Variants in CAPN9 observed in about 807,000 individuals in gnomAD.
The protein encoded by CAPN9 is calpain 9, also known as calpain-9.
In CAPN9, 81 loss-of-function variants were observed where a neutral mutation model predicts 92.8. The ratio of observed to expected loss-of-function variants is 0.87; its 90% CI spans 0.73 to 1.05. The LOEUF (loss-of-function observed/expected upper bound fraction) is 1.05, where lower values mean the gene tolerates loss of function less well. Among genes scored for constraint, CAPN9 ranks in the 50% least tolerant of loss-of-function variants. The pLI, the probability that CAPN9 is intolerant of heterozygous loss-of-function variation, is 0.00. For synonymous variants in CAPN9, 304 were observed against 328.0 expected (o/e 0.93, Z 0.79); for missense variants, 848 against 866.2 (o/e 0.98, Z 0.26).
intron 5 of CAPN9, among the ~76,000 whole-genome samples, chr1:230,768,010 TAATAAATAAATAAATAAATAAATA>T (rs71563451): frequency 1.8e-4 from 25 of 139,664 alleles, no homozygotes; most frequent in African/African-American, 3.7e-4. Flanking sequence ...ACTTAAAGTA[TAATAAATAAATAAATAAATAAATA>T]AATAAATAAA....
chr1:230,763,479 T>A (rs28359637), intron 4 of CAPN9, among the ~76,000 whole-genome samples: 2 of 152,194 alleles, frequency 1.3e-5, no homozygotes, highest in African/African-American at 2.4e-5. Context: ...GAACCTCATA[T>A]AAGTGGAACC....
chr1:230,789,500 A>AAAAAAAAAAAAAAG (rs200162449), intron 13 of CAPN9, among the ~76,000 whole-genome samples: 1 of 138,176 alleles, frequency 7.2e-6, no homozygotes, highest in African/African-American at 2.8e-5. Flanking sequence ...AAAAAAAAAA[A>AAAAAAAAAAAAAAG]GCCTGAGTCT....
At chr1:230,751,704 T>C (rs965200571) in intron 1 of CAPN9, among the ~76,000 whole-genome samples, 4 of 151,752 alleles carry the variant, frequency 2.6e-5, no homozygotes, top group African/African-American at 9.7e-5. Context: ...TTTCCCTTTG[T>C]GAATTATTCA....
Position 230,767,530 on chromosome 1 carries a change from C to T in CAPN9, c.537-11C>T, listed in dbSNP as rs1012966495. ...CCTGACTCTCTCCTCTCTCTCTTGC[C>T]ACCCTTGCAGGCTAAATGGGAGCTA... On this transcript the variant is annotated splice_polypyrimidine_tract_variant and intron_variant, in intron 4 of 19. Transcript: ENST00000271971. 6.3e-7 allele frequency: 1 copy of T among 1,599,990 alleles called. No homozygotes were observed. The highest frequency in any genetic ancestry group is 1.4e-5 in the African/African-American group (1 of 73,866).
intron 15 of CAPN9, 83 bp from the exon 16 acceptor site, chr1:230,792,343 C>A (rs900502387): frequency 2.4e-5 from 28 of 1,183,860 alleles, no homozygotes; most frequent in Non-Finnish European, 3.2e-5. Flanking sequence ...CGGCCCTCCC[C>A]CTCTGCAGTC....
intron 7 of CAPN9, 118 bp downstream of exon 7, chr1:230,772,217 A>G (rs1397628978): frequency 4.9e-6 from 4 of 821,324 alleles, no homozygotes. Flanking sequence ...CTGACTCAGG[A>G]TCCTGTCCCG....
At chr1:230,753,976 T>C (rs559225804) in intron 1 of CAPN9, among the ~76,000 whole-genome samples, 22 of 152,128 alleles carry the variant, frequency 1.4e-4, no homozygotes, top group Non-Finnish European at 2.5e-4. Flanking sequence ...CGCTCTTTTC[T>C]CTCCTGGTTT....
intron 16 of CAPN9, 108 bp downstream of exon 16, chr1:230,792,602 A>G (rs1668075371): frequency 1.1e-6 from 1 of 925,688 alleles, no homozygotes; most frequent in African/African-American, 1.6e-5. Context: ...GAGGAATTGT[A>G]TTCGGACAGG....
rs868313740 is a variant in CAPN9 at position 230,799,477 on chromosome 1, C to T, written c.2046+1257C>T. 1.1e-4 allele frequency among the ~76,000 whole-genome samples: 17 copies of T among 152,186 alleles called. No individual in the cohort carries two copies. The South Asian group carries it at 1.4e-3, about 13-fold the overall frequency. ...CATTATTATTTCATTGAGCCAATTACGTATTATTACGGTGAGCCAAATGGG... is the reference window on the plus strand; with the variant it reads ...CATTATTATTTCATTGAGCCAATTATGTATTATTACGGTGAGCCAAATGGG... On this transcript the variant is annotated intron_variant, in intron 19 of 19. Transcript: ENST00000271971.
chr1:230,799,906 A>G (rs1194608865), intron 19 of CAPN9, among the ~76,000 whole-genome samples: 1 of 152,006 alleles, frequency 6.6e-6, no homozygotes, highest in Admixed American at 6.5e-5. Context: ...TGTCTCTTAA[A>G]AAAGAAAGGA....
At chr1:230,748,643 G>A (rs1032068461) in intron 1 of CAPN9, among the ~76,000 whole-genome samples, 2 of 152,074 alleles carry the variant, frequency 1.3e-5, no homozygotes, top group Non-Finnish European at 2.9e-5. Flanking sequence ...GCACACAGAA[G>A]GTTTCCAGTA....
chr1:230,800,454 C>T (rs150722927), intron 19 of CAPN9, among the ~76,000 whole-genome samples: 36 of 152,168 alleles, frequency 2.4e-4, no homozygotes, highest in African/African-American at 6.7e-4. Flanking sequence ...TGTTACTCAG[C>T]GGCCCCCTGG....
intron 19 of CAPN9, among the ~76,000 whole-genome samples, chr1:230,800,729 A>C (rs1194914330): frequency 6.6e-6 from 1 of 152,174 alleles, no homozygotes; most frequent in Non-Finnish European, 1.5e-5. Flanking sequence ...GCCACTCCCT[A>C]GATCAATTAA....
chr1:230,785,813 T>TG (rs2102911950), intron 11 of CAPN9, among the ~76,000 whole-genome samples, 168 bp from the exon 12 acceptor site: 1 of 152,106 alleles, frequency 6.6e-6, no homozygotes, highest in South Asian at 2.1e-4. Context: ...TGACTAAGGG[T>TG]GGGGGTGTCA....
chr1:230,801,045 G>A (rs1282516437), intron 19 of CAPN9, among the ~76,000 whole-genome samples: 1 of 152,190 alleles, frequency 6.6e-6, no homozygotes, highest in Non-Finnish European at 1.5e-5. Flanking sequence ...TCACCATGCT[G>A]TAATAAACAA....
chr1:230,754,902 T>A (rs937307455), intron 1 of CAPN9, among the ~76,000 whole-genome samples: 1 of 152,112 alleles, frequency 6.6e-6, no homozygotes, highest in African/African-American at 2.4e-5. Flanking sequence ...GGGAGTATGT[T>A]TAGTCCAAGG....
At chr1:230,765,506 C>T (rs1665930681) in intron 4 of CAPN9, among the ~76,000 whole-genome samples, 1 of 151,822 alleles carries the variant, frequency 6.6e-6, no homozygotes, top group Non-Finnish European at 1.5e-5. Flanking sequence ...TAAAAATACA[C>T]AAATTAGCCA....
In CAPN9 at chr1:230,771,880, CA is replaced by C; in HGVS notation, c.790-133del. 4.3e-6 allele frequency: 3 copies of C among 699,324 alleles called. 1 individual carries two copies. Among genetic ancestry groups the C allele is most frequent in the South Asian group, 3.5e-5 (2 of 57,232 alleles). The allele number at this position is 699,324 out of a possible 1,614,324, so 43.3% of individuals were successfully genotyped here. A position where few individuals can be genotyped will look rare whatever the true frequency, so the allele number is the denominator to read the frequency against. On this transcript the variant is annotated intron_variant, in intron 6 of 19. Coordinates refer to ENST00000271971, the MANE Select transcript of CAPN9 (RefSeq NM_006615.3). Reference sequence around the variant, plus strand: ...CTGGCGAACTTCTACATACCTTCAGCAGCATTTTAGGCAAGAGACTTTCAAC... The same window carrying C: ...CTGGCGAACTTCTACATACCTTCAGCGCATTTTAGGCAAGAGACTTTCAAC...
At chr1:230,777,331 C>G (rs1319138993) in intron 8 of CAPN9, among the ~76,000 whole-genome samples, 2 of 152,076 alleles carry the variant, frequency 1.3e-5, no homozygotes, top group Non-Finnish European at 2.9e-5. Flanking sequence ...CAGGGCTGAG[C>G]CTGCCCAAGG....
Sources: allele counts gnomAD v4.1 joint callset (sites outside exome capture counted in the v4.1 genomes callset), GRCh38; gene constraint gnomAD v4.1.1; transcripts MANE v1.5; gene names NCBI Gene and HGNC (gene_info 2026-07-23, HGNC 2026-07-21).